The following GMDS variants were observed in gnomAD, a reference collection of about 807,000 sequenced individuals.
GMDS encodes GDP-mannose 4,6-dehydratase, also known as GDP-mannose 4,6 dehydratase.
In GMDS, 20 loss-of-function variants were observed where a neutral mutation model predicts 49.9. The ratio of observed to expected loss-of-function variants is 0.40; its 90% CI spans 0.28 to 0.58. The LOEUF is 0.58. Among genes scored for constraint, GMDS ranks in the 20% least tolerant of loss-of-function variants. The pLI is 0.42. For missense variants in GMDS, 362 were observed against 481.4 expected, an observed-to-expected ratio of 0.75 and a Z score of 2.32; for synonymous variants, 177 against 178.6, an observed-to-expected ratio of 0.99 and a Z score of 0.07.
rs539858330 is a variant in GMDS at position 1,970,839 on chromosome 6, G to GCTAATCCATGCAGGGCTTAATAC, written c.346-9896_346-9874dup. ...AGGAGGGAGAGCATCAGGATAAATAGCTAATCCATGCAGGGCTTAATACCT... is the reference window on the plus strand; with the variant it reads ...AGGAGGGAGAGCATCAGGATAAATAGCTAATCCATGCAGGGCTTAATACCTAATCCATGCAGGGCTTAATACCT... On this transcript the variant is annotated intron_variant, in intron 4 of 10. Transcript: ENST00000380815. Among the ~76,000 whole-genome samples the GCTAATCCATGCAGGGCTTAATAC allele has an allele frequency of 2.6e-4, 39 of 152,262 alleles. No individual in the cohort carries two copies. In the South Asian group the frequency reaches 6.9e-3, roughly 27 times the overall value.
intron 1 of GMDS, among the ~76,000 whole-genome samples, chr6:2,236,715 G>C (rs973087758): frequency 2.0e-5 from 3 of 152,128 alleles, no homozygotes; most frequent in Non-Finnish European, 4.4e-5. Context: ...ACCATTCTAA[G>C]AAACATAGAA....
chr6:1,682,971 C>T (rs555724724), intron 9 of GMDS, among the ~76,000 whole-genome samples: 2 of 152,296 alleles, frequency 1.3e-5, no homozygotes, highest in East Asian at 1.9e-4. Flanking sequence ...TCCTAGAAGC[C>T]CCCAATATAA....
At chr6:1,751,037 G>T (rs1184203182) in intron 7 of GMDS, among the ~76,000 whole-genome samples, 2 of 152,216 alleles carry the variant, frequency 1.3e-5, no homozygotes, top group Non-Finnish European at 2.9e-5. Flanking sequence ...TCCTCTCTGG[G>T]CAGAGCATTT....
rs1396639989 is a variant in GMDS, at chr6:1,624,502, C to T, written c.1026G>A (p.Lys342=). 2 of 1,613,916 alleles carry T rather than the reference C, an allele frequency of 1.2e-6. No individual in the cohort carries two copies. Among genetic ancestry groups the T allele is most frequent in the Non-Finnish European group, 1.7e-6 (2 of 1,179,848 alleles). ...LQGDCTKAKQ[K]LNWKPRVAFD... Reference sequence around the variant, plus strand: ...AAGCGACCCGGGGCTTCCAGTTCAGCTTCTGTTTCGCTTTGGTGCAGTCGC... The same window carrying T: ...AAGCGACCCGGGGCTTCCAGTTCAGTTTCTGTTTCGCTTTGGTGCAGTCGC... Residue 342 remains lysine, a synonymous_variant, in exon 10 of 11, where the codon AAG becomes AAA. Coordinates refer to ENST00000380815, the MANE Select transcript of GMDS (RefSeq NM_001500.4).
chr6:2,182,579 T>A (rs1275626583), intron 1 of GMDS, among the ~76,000 whole-genome samples: 1 of 152,230 alleles, frequency 6.6e-6, no homozygotes, highest in Admixed American at 6.5e-5. Context: ...ATAAGGCCCT[T>A]AAGAATTTTG....
At chr6:1,927,981 C>T (rs1056951612) in intron 7 of GMDS, among the ~76,000 whole-genome samples, 8 of 152,164 alleles carry the variant, frequency 5.3e-5, no homozygotes, top group Non-Finnish European at 7.3e-5. Flanking sequence ...ATTAGATTTC[C>T]GAATCCTTTT....
intron 7 of GMDS, among the ~76,000 whole-genome samples, chr6:1,799,329 C>T (rs1196387542): frequency 6.6e-6 from 1 of 152,130 alleles, no homozygotes; most frequent in Non-Finnish European, 1.5e-5. Context: ...TAATCTCTAA[C>T]GATGATATGC....
chr6:2,011,037 C>A (rs1767527645), intron 4 of GMDS, among the ~76,000 whole-genome samples: 1 of 151,990 alleles, frequency 6.6e-6, no homozygotes, highest in Non-Finnish European at 1.5e-5. Flanking sequence ...TTTAAAAATA[C>A]CAAATTCAAC....
chr6:2,093,889 T>C (rs9378682), intron 4 of GMDS, among the ~76,000 whole-genome samples: 82,707 of 152,028 alleles, frequency 0.54, 22,726 homozygotes, highest in East Asian at 0.7. Context: ...TAAAATTTCA[T>C]TTGAAATTTG....
At chr6:1,787,037 C>G (rs1769354040) in intron 7 of GMDS, among the ~76,000 whole-genome samples, 1 of 152,174 alleles carries the variant, frequency 6.6e-6, no homozygotes, top group African/African-American at 2.4e-5. Flanking sequence ...ACTCTCCAGA[C>G]TCATCTGTGT....
intron 4 of GMDS, among the ~76,000 whole-genome samples, chr6:2,010,972 T>C (rs1767523323): frequency 1.3e-5 from 2 of 152,124 alleles, no homozygotes; most frequent in African/African-American, 4.8e-5. Context: ...AGAGAAATTA[T>C]TTTTTAAAAA....
chr6:1,681,141 C>T (rs370996874), intron 9 of GMDS, among the ~76,000 whole-genome samples: 294 of 152,226 alleles, frequency 1.9e-3, no homozygotes, highest in African/African-American at 5.4e-3. Flanking sequence ...CAGATACACA[C>T]ACCTATATAC....
chr6:2,207,756 C>T (rs1221617029), intron 1 of GMDS, among the ~76,000 whole-genome samples: 1 of 151,818 alleles, frequency 6.6e-6, no homozygotes, highest in Non-Finnish European at 1.5e-5. Context: ...TCACCCCTTC[C>T]CCTCTGGAAA....
intron 4 of GMDS, among the ~76,000 whole-genome samples, chr6:2,072,317 G>A (rs1179071485): frequency 1.3e-5 from 2 of 152,166 alleles, no homozygotes; most frequent in African/African-American, 4.8e-5. Flanking sequence ...ATTCATGAAG[G>A]TTCCAACAGT....
chr6:1,631,249 C>T (rs1762991903), intron 9 of GMDS, among the ~76,000 whole-genome samples: 1 of 152,100 alleles, frequency 6.6e-6, no homozygotes, highest in African/African-American at 2.4e-5. Context: ...CAAAATGCAA[C>T]TTAAGAGATT....
chr6:1,907,459 C>T (rs998769765), intron 7 of GMDS, among the ~76,000 whole-genome samples: 1 of 152,116 alleles, frequency 6.6e-6, no homozygotes, highest in Non-Finnish European at 1.5e-5. Flanking sequence ...TTTAAGAAAT[C>T]CCAAACCAAT....
intron 1 of GMDS, among the ~76,000 whole-genome samples, chr6:2,177,019 G>A (rs1412617496): frequency 1.3e-5 from 2 of 152,174 alleles, no homozygotes; most frequent in Non-Finnish European, 2.9e-5. Flanking sequence ...AGAGAAACAG[G>A]AAAGGGCAGG....
intron 9 of GMDS, among the ~76,000 whole-genome samples, chr6:1,642,449 G>A (rs949221425): frequency 2.6e-5 from 4 of 152,016 alleles, no homozygotes; most frequent in Non-Finnish European, 4.4e-5. Context: ...GATTACAGGC[G>A]TGAGCCACCA....
chr6:1,671,611 T>C (rs1300279248), intron 9 of GMDS, among the ~76,000 whole-genome samples: 1 of 151,758 alleles, frequency 6.6e-6, no homozygotes, highest in Non-Finnish European at 1.5e-5. Flanking sequence ...TAAGTATGTA[T>C]AAGATATTAA....
Sources: allele counts gnomAD v4.1 joint callset (sites outside exome capture counted in the v4.1 genomes callset), GRCh38; gene constraint gnomAD v4.1.1; transcripts MANE v1.5; gene names NCBI Gene and HGNC (gene_info 2026-07-23, HGNC 2026-07-21).